The following SLC35F4 variants were observed in gnomAD, a reference collection of about 807,000 sequenced individuals.
SLC35F4 encodes the protein chromosome 14 open reading frame 36.
SLC35F4 carries 24 observed loss-of-function variants against 44.2 expected under a neutral mutation model. That is an observed-to-expected ratio of 0.54 (90% CI 0.39 to 0.76). The LOEUF (loss-of-function observed/expected upper bound fraction) is 0.76, where lower values mean the gene tolerates loss of function less well. Among genes scored for constraint, SLC35F4 ranks in the 30% least tolerant of loss-of-function variants. The pLI is 0.00. For synonymous variants in SLC35F4, 238 were observed against 223.6 expected, an observed-to-expected ratio of 1.06 and a Z score of -0.57; for missense variants, 562 against 586.1, an observed-to-expected ratio of 0.96 and a Z score of 0.42.
rs938695833 is a variant in SLC35F4, at chr14:57,751,936, CTG to C, written c.103+113785_103+113786del. 1.5e-3 allele frequency among the ~76,000 whole-genome samples: 204 copies of C among 135,070 alleles called. 1 individual carries two copies. The highest frequency in any genetic ancestry group is 2.6e-3 in the Admixed American group (34 of 13,268). 88.6% of individuals were successfully genotyped at this position (135,070 alleles called of 152,430 possible). Reference sequence around the variant, plus strand: ...TTTCTCTCTCTCTCTCTCTCTCTCTCTGTGTGTGTGTGTGTGTTTGTGTATTT... The same window carrying C: ...TTTCTCTCTCTCTCTCTCTCTCTCTCTGTGTGTGTGTGTGTTTGTGTATTT... On this transcript the variant is annotated intron_variant, in intron 1 of 7. Coordinates refer to ENST00000556826, the MANE Select transcript of SLC35F4 (RefSeq NM_001306087.2).
rs192217896 is a variant in SLC35F4 at position 57,878,295 on chromosome 14, A to G, written n.282+103618T>C. ...TTCTTTTAGCCTGGATTACCACACA[A>G]CTTTCTATCTGATCTTTTCCTATTC... On this transcript the variant is annotated intron_variant and non_coding_transcript_variant, in intron 1 of 1. Coordinates refer to the SLC35F4 transcript ENST00000556568. Among the ~76,000 whole-genome samples, 653 of 152,172 alleles carry G rather than the reference A, an allele frequency of 4.3e-3. 1 individual carries two copies. Among genetic ancestry groups the G allele is most frequent in the African/African-American group, 0.015 (607 of 41,520 alleles).
intron 1 of SLC35F4, among the ~76,000 whole-genome samples, chr14:57,668,192 G>A (rs2074385801): frequency 6.6e-6 from 1 of 150,978 alleles, no homozygotes; most frequent in Non-Finnish European, 1.5e-5. Flanking sequence ...TTTTTTTCTT[G>A]TAAATTTGTT....
chr14:57,721,855 GA>G (rs2076093177), intron 1 of SLC35F4, among the ~76,000 whole-genome samples: 1 of 152,124 alleles, frequency 6.6e-6, no homozygotes, highest in African/African-American at 2.4e-5. Flanking sequence ...TATCTGAGGA[GA>G]TAAACCCTGT....
chr14:57,655,419 C>T (rs763953990), intron 1 of SLC35F4, among the ~76,000 whole-genome samples: 22 of 151,982 alleles, frequency 1.4e-4, no homozygotes, highest in Non-Finnish European at 2.9e-5. Context: ...TTTATACCCA[C>T]GTTGTCTAGG....
chr14:57,656,359 GTATATA>G (rs71450330), intron 1 of SLC35F4, among the ~76,000 whole-genome samples: 2 of 136,422 alleles, frequency 1.5e-5, no homozygotes, highest in African/African-American at 5.4e-5. Flanking sequence ...TGTCCTTAGA[GTATATA>G]TATATATATA....
intron 1 of SLC35F4, among the ~76,000 whole-genome samples, chr14:57,672,299 G>A (rs765847985): frequency 6.6e-6 from 1 of 151,968 alleles, no homozygotes; most frequent in Non-Finnish European, 1.5e-5. Context: ...ATCCCACTTT[G>A]CCCTAGACAC....
rs1334631949 is a variant in SLC35F4, at chr14:57,594,133, A to G, written c.104-9T>C. On this transcript the variant is annotated splice_polypyrimidine_tract_variant and intron_variant, in intron 1 of 7. Transcript: ENST00000556826. Reference sequence around the variant, plus strand: ...TGATGATCTGGAGGTACCTGGAAAGACAGAGTTCACGCCAGTTTGAGAACT... The same window carrying G: ...TGATGATCTGGAGGTACCTGGAAAGGCAGAGTTCACGCCAGTTTGAGAACT... 6.2e-7 allele frequency: 1 copy of G among 1,612,384 alleles called. No individual in the cohort carries two copies. The highest frequency in any genetic ancestry group is 1.1e-5 in the South Asian group (1 of 90,838).
upstream of SLC35F4, among the ~76,000 whole-genome samples, chr14:57,866,957 A>AAATAATAATAAT (rs4035380): frequency 0.024 from 3,289 of 135,986 alleles, 38 homozygotes; most frequent in Middle Eastern, 0.047. Flanking sequence ...AGCTTCCTGC[A>AAATAATAATAAT]AATAATAATA....
intron 1 of SLC35F4, among the ~76,000 whole-genome samples, chr14:57,929,375 G>A (rs1025281931): frequency 6.6e-6 from 1 of 151,856 alleles, no homozygotes; most frequent in Non-Finnish European, 1.5e-5. Flanking sequence ...AGAAATGTTT[G>A]GGAAAACCCA....
chr14:57,968,317 T>C (rs1177911118), intron 1 of SLC35F4, among the ~76,000 whole-genome samples: 1 of 152,246 alleles, frequency 6.6e-6, no homozygotes, highest in African/African-American at 2.4e-5. Context: ...GTTCAAGAGC[T>C]ATTTTTAAAC....
intron 1 of SLC35F4, among the ~76,000 whole-genome samples, chr14:57,960,755 G>T (rs1370249375): frequency 1.3e-5 from 2 of 152,146 alleles, no homozygotes; most frequent in Non-Finnish European, 2.9e-5. Context: ...AAAATCCACA[G>T]CATAAGAAAT....
chr14:57,699,329 A>G (rs953340878), intron 1 of SLC35F4, among the ~76,000 whole-genome samples: 3 of 152,132 alleles, frequency 2.0e-5, no homozygotes, highest in Non-Finnish European at 2.9e-5. Flanking sequence ...GAAGGTGATG[A>G]ATATGTCATG....
intron 1 of SLC35F4, among the ~76,000 whole-genome samples, chr14:57,633,328 A>G (rs2072873896): frequency 1.3e-5 from 2 of 152,200 alleles, no homozygotes; most frequent in South Asian, 2.1e-4. Flanking sequence ...CAAAGGTGCT[A>G]TACCATTTTG....
chr14:57,566,447 A>G, intron 7 of SLC35F4, 28 bp downstream of exon 7: 2 of 1,564,818 alleles, frequency 1.3e-6, no homozygotes, highest in Non-Finnish European at 1.7e-6. Flanking sequence ...AGTGGCCAGG[A>G]TCTGCACATG....
At chr14:57,956,980 C>A (rs1222821657) in intron 1 of SLC35F4, among the ~76,000 whole-genome samples, 1 of 152,174 alleles carries the variant, frequency 6.6e-6, no homozygotes, top group African/African-American at 2.4e-5. Context: ...ACTATAAAGA[C>A]ACATGCACAT....
intron 1 of SLC35F4, among the ~76,000 whole-genome samples, chr14:57,735,813 C>T (rs931945294): frequency 2.0e-5 from 3 of 151,842 alleles, no homozygotes; most frequent in African/African-American, 4.8e-5. Context: ...ACCTCAAACT[C>T]CTGGGCTCAA....
At chr14:57,735,205 G>A (rs373469659) in intron 1 of SLC35F4, among the ~76,000 whole-genome samples, 1 of 152,066 alleles carries the variant, frequency 6.6e-6, no homozygotes, top group African/African-American at 2.4e-5. Flanking sequence ...GTGTTTTGCT[G>A]TTCCTCTTTC....
intron 1 of SLC35F4, among the ~76,000 whole-genome samples, chr14:57,765,872 A>G (rs553923109): frequency 6.6e-6 from 1 of 152,316 alleles, no homozygotes; most frequent in Admixed American, 6.5e-5. Flanking sequence ...AAGATCTTAA[A>G]TGCTCAGCAA....
chr14:57,690,148 A>G (rs2075187406), intron 1 of SLC35F4, among the ~76,000 whole-genome samples: 1 of 152,180 alleles, frequency 6.6e-6, no homozygotes, highest in Non-Finnish European at 1.5e-5. Context: ...ATCTCATGGA[A>G]TGAGTTAGCT....
Sources: gnomAD v4.1 joint callset for allele counts (sites outside exome capture counted in the v4.1 genomes callset) on GRCh38, gnomAD v4.1.1 for gene constraint, MANE v1.5 for transcripts, NCBI Gene and HGNC (gene_info 2026-07-23, HGNC 2026-07-21) for gene names.